Variants in ERBB4 observed in about 807,000 individuals in gnomAD.
ERBB4 encodes receptor tyrosine-protein kinase erbB-4.
Under a neutral mutation model 158.0 loss-of-function variants are expected in ERBB4, and 42 were observed. The ratio of observed to expected loss-of-function variants is 0.27; its 90% confidence interval spans 0.21 to 0.34. The LOEUF (loss-of-function observed/expected upper bound fraction) is 0.34, where lower values mean the gene tolerates loss of function less well. Among genes scored for constraint, ERBB4 ranks in the 10% least tolerant of loss-of-function variants. The probability of loss-of-function intolerance (pLI) is 1.00; values close to 1 mark genes in which losing one functional copy is unlikely to be tolerated. For missense variants in ERBB4, 1,333 were observed against 1,624.1 expected (o/e 0.82, Z 3.08); for synonymous variants, 583 against 558.7 (o/e 1.04, Z -0.61).
At chr2:211,836,146 A>G (rs926002850) in intron 3 of ERBB4, among the ~76,000 whole-genome samples, 1 of 152,116 alleles carries the variant, frequency 6.6e-6, no homozygotes, top group Non-Finnish European at 1.5e-5. Flanking sequence ...GAAGTTAGAA[A>G]GATGAAGTGA....
At chr2:211,455,106 C>A (rs2064347333) in intron 20 of ERBB4, among the ~76,000 whole-genome samples, 1 of 152,154 alleles carries the variant, frequency 6.6e-6, no homozygotes, top group Non-Finnish European at 1.5e-5. Context: ...TTTCTGTCCC[C>A]AATAAAATTC....
At chr2:211,976,711 T>C (rs2081618137) in intron 2 of ERBB4, among the ~76,000 whole-genome samples, 1 of 152,120 alleles carries the variant, frequency 6.6e-6, no homozygotes. Flanking sequence ...TCATTTACAT[T>C]ATAAAAATCA....
chr2:211,732,361 G>GAAAAA, intron 5 of ERBB4, among the ~76,000 whole-genome samples: 1 of 148,416 alleles, frequency 6.7e-6, no homozygotes, highest in African/African-American at 2.5e-5. Context: ...GGTCTTTTTT[G>GAAAAA]AAAAAAAAAA....
At chr2:211,901,385 G>A (rs574871294) in intron 3 of ERBB4, among the ~76,000 whole-genome samples, 2 of 152,274 alleles carry the variant, frequency 1.3e-5, no homozygotes, top group African/African-American at 4.8e-5. Context: ...AAGCATGACA[G>A]GTGCATGGTG....
chr2:212,526,056 T>C (rs1692430362), intron 1 of ERBB4, among the ~76,000 whole-genome samples: 1 of 152,036 alleles, frequency 6.6e-6, no homozygotes, highest in South Asian at 2.1e-4. Flanking sequence ...TAAATCTGCC[T>C]TCACAGAGCT....
chr2:211,850,270 AG>A (rs2106029683), intron 3 of ERBB4, among the ~76,000 whole-genome samples: 1 of 151,924 alleles, frequency 6.6e-6, no homozygotes, highest in East Asian at 1.9e-4. Flanking sequence ...TTAGTCTTTG[AG>A]TTCTTCCACT....
At position 211,387,320 on chromosome 2, in the gene ERBB4, A is replaced by C. The variant is rs532696463; in HGVS notation, c.3184-170T>G. Among the ~76,000 whole-genome samples, 1,038 of 152,310 alleles carry C rather than the reference A, an allele frequency of 6.8e-3. 14 individuals are homozygous for C. The highest frequency in any genetic ancestry group is 0.021 in the South Asian group (103 of 4,828). On this transcript the variant is annotated intron_variant, in intron 26 of 27. Coordinates refer to ENST00000342788, the MANE Select transcript of ERBB4 (RefSeq NM_005235.3). ...GGAGTTACAAACTATAAACACCTAA[A>C]ATTTCCACTTTTCTTAAAAGATAAA...
intron 19 of ERBB4, among the ~76,000 whole-genome samples, chr2:211,591,110 AAATT>A (rs1431194353): frequency 6.6e-6 from 1 of 152,248 alleles, no homozygotes; most frequent in African/African-American, 2.4e-5. Flanking sequence ...GCTACCCAGC[AAATT>A]AATAAAGATA....
chr2:212,039,322 G>C (rs887999704), intron 2 of ERBB4, among the ~76,000 whole-genome samples: 1 of 151,994 alleles, frequency 6.6e-6, no homozygotes. Flanking sequence ...TTCTTTGAAG[G>C]GTTACTAATA....
At chr2:212,206,799 A>T (rs1421210753) in intron 1 of ERBB4, among the ~76,000 whole-genome samples, 1 of 151,868 alleles carries the variant, frequency 6.6e-6, no homozygotes, top group East Asian at 1.9e-4. Context: ...CGTGTTAGCC[A>T]GGATGGTCTC....
intron 3 of ERBB4, among the ~76,000 whole-genome samples, chr2:211,943,382 A>G (rs839533): frequency 0.82 from 124,611 of 152,024 alleles, 51,430 homozygotes; most frequent in African/African-American, 0.88. Flanking sequence ...CCTCATCAAG[A>G]GTGATTAATA....
intron 3 of ERBB4, among the ~76,000 whole-genome samples, chr2:211,822,087 TA>T (rs1277583706): frequency 6.6e-6 from 1 of 151,768 alleles, no homozygotes; most frequent in Non-Finnish European, 1.5e-5. Flanking sequence ...TAGTGGAAGC[TA>T]AAAAAATTTG....
intron 12 of ERBB4, among the ~76,000 whole-genome samples, chr2:211,684,348 G>A (rs1289896000): frequency 6.6e-6 from 1 of 152,172 alleles, no homozygotes; most frequent in Non-Finnish European, 1.5e-5. Flanking sequence ...TTACTCAGAA[G>A]GCTGAAGAGG....
intron 19 of ERBB4, among the ~76,000 whole-genome samples, chr2:211,573,894 A>G (rs927301086): frequency 1.3e-5 from 2 of 152,132 alleles, no homozygotes; most frequent in Non-Finnish European, 2.9e-5. Flanking sequence ...CATATTTTAA[A>G]AACTGATGTT....
chr2:212,126,321 G>A (rs766515600), intron 1 of ERBB4, among the ~76,000 whole-genome samples: 45 of 151,866 alleles, frequency 3.0e-4, no homozygotes, highest in African/African-American at 5.8e-4. Context: ...TTAGCTGGGC[G>A]TGGTAGCTCA....
chr2:211,446,053 T>C (rs2064104754), intron 20 of ERBB4, among the ~76,000 whole-genome samples: 1 of 152,186 alleles, frequency 6.6e-6, no homozygotes, highest in Non-Finnish European at 1.5e-5. Flanking sequence ...AATGTTTTCA[T>C]ACCAGTATTT....
chr2:212,345,351 G>C (rs1263335749), intron 1 of ERBB4, among the ~76,000 whole-genome samples: 1 of 151,336 alleles, frequency 6.6e-6, no homozygotes, highest in Non-Finnish European at 1.5e-5. Flanking sequence ...ATTCCTAACA[G>C]AGTTTTATAC....
chr2:211,590,291 CG>C (rs1443575405), intron 19 of ERBB4, among the ~76,000 whole-genome samples: 1 of 152,168 alleles, frequency 6.6e-6, no homozygotes, highest in Non-Finnish European at 1.5e-5. Flanking sequence ...AAAACAAAGA[CG>C]ATAATGGCCC....
At chr2:211,837,701 T>C (rs1561473) in intron 3 of ERBB4, among the ~76,000 whole-genome samples, 37,298 of 151,892 alleles carry the variant, frequency 0.25, 5,573 homozygotes, top group East Asian at 0.42. Flanking sequence ...ACTAATCGAG[T>C]TTGTGTGTGA....
Sources: gnomAD v4.1 joint callset for allele counts (sites outside exome capture counted in the v4.1 genomes callset) on GRCh38, gnomAD v4.1.1 for gene constraint, MANE v1.5 for transcripts, NCBI Gene and HGNC (gene_info 2026-07-23, HGNC 2026-07-21) for gene names.